PCDHGA3: variants seen among roughly 807,000 people sequenced by gnomAD.
The protein encoded by PCDHGA3 is protocadherin gamma-A3.
In PCDHGA3, 40 loss-of-function variants were observed where a neutral mutation model predicts 58.5. That is an observed-to-expected ratio of 0.68 (90% CI 0.53 to 0.89). The LOEUF (loss-of-function observed/expected upper bound fraction) is 0.89, where lower values mean the gene tolerates loss of function less well. Ranked by LOEUF, PCDHGA3 falls within the 40% of genes least tolerant of loss-of-function variation. The pLI is 0.00. For synonymous variants in PCDHGA3, 530 were observed against 525.7 expected, an observed-to-expected ratio of 1.01 and a Z score of -0.11; for missense variants, 1,223 against 1,195.9, an observed-to-expected ratio of 1.02 and a Z score of -0.33.
chr5:141,419,890 C>T (rs775698934), intron 1 of PCDHGA3: 3 of 1,614,102 alleles, frequency 1.9e-6, no homozygotes, highest in Non-Finnish European at 2.5e-6. Flanking sequence ...ATTTCAGCGA[C>T]CATCCCACAC....
chr5:141,352,438 T>C, intron 1 of PCDHGA3: 1 of 1,614,018 alleles, frequency 6.2e-7, no homozygotes, highest in Non-Finnish European at 8.5e-7. Flanking sequence ...TTCAAACCGG[T>C]CTCTGCTCCA....
At chr5:141,473,369 G>T (rs888984972) in intron 1 of PCDHGA3, among the ~76,000 whole-genome samples, 1 of 152,200 alleles carries the variant, frequency 6.6e-6, no homozygotes, top group Non-Finnish European at 1.5e-5. Flanking sequence ...CACCAAAATA[G>T]CATGGTCCCT....
chr5:141,357,216 G>C, intron 1 of PCDHGA3: 1 of 1,613,840 alleles, frequency 6.2e-7, no homozygotes, highest in Non-Finnish European at 8.5e-7. Flanking sequence ...CAGATGTCCT[G>C]GCTGACTTGG....
intron 1 of PCDHGA3, chr5:141,361,681 G>A: frequency 1.2e-6 from 2 of 1,613,558 alleles, no homozygotes; most frequent in Admixed American, 1.7e-5. Context: ...GGTGGTGTTC[G>A]CGCAGCGCGC....
At chr5:141,401,919 G>A (rs2150915658) in intron 1 of PCDHGA3, among the ~76,000 whole-genome samples, 1 of 152,224 alleles carries the variant, frequency 6.6e-6, no homozygotes, top group Non-Finnish European at 1.5e-5. Context: ...ATAAGTTTAA[G>A]TGATGCTTAG....
chr5:141,392,735 C>G, intron 1 of PCDHGA3: 1 of 1,428,540 alleles, frequency 7.0e-7, no homozygotes, highest in South Asian at 1.5e-5. Context: ...ATTGTCATCT[C>G]CATAGCTGCG....
intron 1 of PCDHGA3, among the ~76,000 whole-genome samples, chr5:141,386,696 G>A (rs2090675281): frequency 6.6e-6 from 1 of 152,096 alleles, no homozygotes; most frequent in African/African-American, 2.4e-5. Context: ...ACTTGGGGTA[G>A]AAGACAATGT....
chr5:141,385,704 T>C (rs1297599541), intron 1 of PCDHGA3: 1 of 268,260 alleles, frequency 3.7e-6, no homozygotes. Context: ...CTCTTTAGCA[T>C]TCAAATATGT....
chr5:141,385,339 C>T (rs1379260130), intron 1 of PCDHGA3: 1 of 1,570,014 alleles, frequency 6.4e-7, no homozygotes, highest in African/African-American at 1.4e-5. Flanking sequence ...CCCAGCCCTT[C>T]CTTTATTTCC....
chr5:141,464,578 A>G (rs2099086989), intron 1 of PCDHGA3, among the ~76,000 whole-genome samples: 1 of 152,164 alleles, frequency 6.6e-6, no homozygotes, highest in Non-Finnish European at 1.5e-5. Flanking sequence ...ATAGATGAGA[A>G]TGTCCATTGT....
rs1289960725 is a variant in PCDHGA3, at chr5:141,346,110, C to G, written c.2077C>G (p.Leu693Val). The G allele has an allele frequency of 3.7e-6, 6 of 1,613,872 alleles. No individual in the cohort carries two copies. The highest frequency in any genetic ancestry group is 5.1e-6 in the Non-Finnish European group (6 of 1,179,876). Residue 693 changes from leucine to valine, a missense_variant, in exon 1 of 4, where the codon CTG becomes GTG. This residue lies in a region of PCDHGA3 where 325 missense variants were observed against 327.5 expected (regional missense o/e 0.99). Transcript: ENST00000253812. ...KPNDSDLTLY[L>V]VVAVAAVSCV... Reference sequence around the variant, plus strand: ...CAACGATTCGGACCTCACTCTGTACCTGGTGGTGGCGGTGGCCGCGGTCTC... The same window carrying G: ...CAACGATTCGGACCTCACTCTGTACGTGGTGGTGGCGGTGGCCGCGGTCTC...
At chr5:141,459,714 T>C (rs1240430980) in intron 1 of PCDHGA3, among the ~76,000 whole-genome samples, 4 of 152,244 alleles carry the variant, frequency 2.6e-5, no homozygotes, top group Admixed American at 6.5e-5. Flanking sequence ...TTCTCACCAA[T>C]GCTTCCTATT....
At chr5:141,498,231 A>T (rs1213697084) in intron 2 of PCDHGA3, among the ~76,000 whole-genome samples, 1 of 152,268 alleles carries the variant, frequency 6.6e-6, no homozygotes, top group East Asian at 1.9e-4. Flanking sequence ...ATGGTCAGGC[A>T]TACCAGCTTC....
chr5:141,382,486 C>T (rs1278703321), intron 1 of PCDHGA3, among the ~76,000 whole-genome samples: 1 of 152,192 alleles, frequency 6.6e-6, no homozygotes, highest in African/African-American at 2.4e-5. Flanking sequence ...GATTATCAAA[C>T]ACCGGTCCAT....
At chr5:141,362,281 C>A in intron 1 of PCDHGA3, 4 of 1,614,016 alleles carry the variant, frequency 2.5e-6, no homozygotes, top group Non-Finnish European at 3.4e-6. Flanking sequence ...CCTGCGCCTG[C>A]GACTCTCTTC....
intron 1 of PCDHGA3, chr5:141,391,629 T>C (rs1048656119): frequency 6.6e-6 from 1 of 152,234 alleles, no homozygotes; most frequent in African/African-American, 2.4e-5. Flanking sequence ...AAGAAAGTTT[T>C]AGTCAGTGAA....
Position 141,344,775 on chromosome 5 carries a change from C to T in PCDHGA3, c.742C>T (p.Arg248Cys), listed in dbSNP as rs749298482. The T allele has an allele frequency of 1.2e-6, 2 of 1,613,954 alleles. No individual in the cohort carries two copies. The highest frequency in any genetic ancestry group is 1.3e-5 in the African/African-American group (1 of 75,030). The change falls in exon 1 of 4, where the codon CGT becomes TGT. Residue 248 changes from arginine to cysteine, a missense_variant. By Grantham distance (180) the Arg-to-Cys change is radical. Transcript: ENST00000253812. Reference protein sequence around the residue: ...NPPMFTQPEYRVSVWENVPVG... With the variant: ...NPPMFTQPEYCVSVWENVPVG... ...ACCAATGTTTACTCAGCCTGAGTAC[C>T]GTGTGAGTGTTTGGGAGAACGTGCC...
At chr5:141,358,973 T>A (rs1455401871) in intron 1 of PCDHGA3, among the ~76,000 whole-genome samples, 2 of 152,246 alleles carry the variant, frequency 1.3e-5, no homozygotes, top group African/African-American at 4.8e-5. Context: ...CTGTGAGAAT[T>A]CAAAATTCAT....
chr5:141,362,693 A>C, intron 1 of PCDHGA3: 1 of 1,100,328 alleles, frequency 9.1e-7, no homozygotes, highest in South Asian at 1.7e-5. Flanking sequence ...ATCTTATCTA[A>C]CTGAATTTTA....
Sources: allele counts gnomAD v4.1 joint callset (sites outside exome capture counted in the v4.1 genomes callset), GRCh38; gene constraint gnomAD v4.1.1; regional missense constraint gnomAD v4.1.1; transcripts MANE v1.5; gene names NCBI Gene and HGNC (gene_info 2026-07-23, HGNC 2026-07-21).